The following MILR1 variants were observed in gnomAD, a reference collection of about 807,000 sequenced individuals.
MILR1 encodes the protein allergin-1.
A neutral mutation model predicts 18.5 loss-of-function variants in MILR1; 31 were observed. The ratio of observed to expected loss-of-function variants is 1.68; its 90% confidence interval spans 1.26 to 2.26. MILR1 has a LOEUF of 2.26. Among genes scored for constraint, MILR1 ranks in the 30% most tolerant of loss-of-function variants. The probability of loss-of-function intolerance (pLI) is 0.00; values close to 1 mark genes in which losing one functional copy is unlikely to be tolerated. For missense variants in MILR1, 257 were observed against 157.4 expected, an observed-to-expected ratio of 1.63 and a Z score of -3.38; for synonymous variants, 85 against 56.2, an observed-to-expected ratio of 1.51 and a Z score of -2.30.
chr17:64,477,056 T>C, the MILR1 span, among the ~76,000 whole-genome samples: 1 of 152,194 alleles, frequency 6.6e-6, no homozygotes, highest in Admixed American at 6.5e-5. Context: ...ATCTAACATA[T>C]ATTTTAGTTG....
At chr17:64,489,931 GTT>G in the MILR1 span, among the ~76,000 whole-genome samples, 1 of 143,466 alleles carries the variant, frequency 7.0e-6, no homozygotes. Flanking sequence ...TAATTTTTTT[GTT>G]TTTTTTTTTT....
At chr17:64,455,813 G>A (rs1249158500) in intron 3 of MILR1, among the ~76,000 whole-genome samples, 2 of 151,748 alleles carry the variant, frequency 1.3e-5, no homozygotes, top group Non-Finnish European at 2.9e-5. Flanking sequence ...TTGAGTGGGG[G>A]CAGATCACTT....
intron 2 of MILR1, among the ~76,000 whole-genome samples, chr17:64,450,007 C>T (rs945673922): frequency 4.6e-5 from 7 of 151,112 alleles, no homozygotes; most frequent in South Asian, 2.1e-4. Flanking sequence ...GGTGCAATCT[C>T]GGCTCACTGC....
intron 9 of MILR1, 143 bp from the exon 10 acceptor site, chr17:64,468,167 C>T: frequency 4.5e-6 from 2 of 446,056 alleles, no homozygotes; most frequent in South Asian, 3.2e-5. Context: ...ATGCTCCCTC[C>T]AAAAGTTGTG....
At chr17:64,487,660 T>C in the MILR1 span, among the ~76,000 whole-genome samples, 1 of 149,972 alleles carries the variant, frequency 6.7e-6, no homozygotes, top group Non-Finnish European at 1.5e-5. Context: ...ACTGAAAGAT[T>C]CTGTGGTGCG....
the MILR1 span, among the ~76,000 whole-genome samples, chr17:64,475,808 CTTTTTTT>C: frequency 2.0e-5 from 2 of 102,502 alleles, no homozygotes; most frequent in Non-Finnish European, 3.5e-5. Flanking sequence ...CTACCACTTC[CTTTTTTT>C]TTTTTTTTTT....
intron 4 of MILR1, among the ~76,000 whole-genome samples, chr17:64,459,995 TA>T (rs2037391013): frequency 4.7e-4 from 18 of 38,640 alleles, no homozygotes; most frequent in Admixed American, 8.0e-4. Context: ...TATTTTATTT[TA>T]TTTATTTATT....
At chr17:64,467,240 G>A (rs2037592546) in intron 8 of MILR1, among the ~76,000 whole-genome samples, 1 of 151,362 alleles carries the variant, frequency 6.6e-6, no homozygotes, top group Non-Finnish European at 1.5e-5. Flanking sequence ...TGAGTAGCTG[G>A]GACTACAGGT....
chr17:64,451,171 C>T (rs1489998234), intron 2 of MILR1, among the ~76,000 whole-genome samples: 2 of 150,940 alleles, frequency 1.3e-5, no homozygotes, highest in African/African-American at 4.9e-5. Context: ...GAGACAGAGT[C>T]TCTGCTCTGT....
chr17:64,486,646 G>A, the MILR1 span, among the ~76,000 whole-genome samples: 2 of 152,160 alleles, frequency 1.3e-5, no homozygotes, highest in African/African-American at 4.8e-5. Context: ...TTACAGGCGT[G>A]AGCCACTGCG....
At chr17:64,497,140 G>A in the MILR1 span, 6 of 704,956 alleles carry the variant, frequency 8.5e-6, no homozygotes, top group Non-Finnish European at 1.5e-5. Flanking sequence ...GGCCGCAGCC[G>A]TCCCCCGCCC....
At chr17:64,493,219 G>A in the MILR1 span, among the ~76,000 whole-genome samples, 1 of 152,108 alleles carries the variant, frequency 6.6e-6, no homozygotes, top group Non-Finnish European at 1.5e-5. Context: ...GGAGTTCTGA[G>A]ACCAGACTGG....
the MILR1 span, chr17:64,496,876 C>G: frequency 6.2e-7 from 1 of 1,613,530 alleles, no homozygotes; most frequent in Non-Finnish European, 8.5e-7. Flanking sequence ...CCGTCAACAG[C>G]TCCGGCTGCC....
chr17:64,462,710 G>A (rs1282049979), intron 5 of MILR1, among the ~76,000 whole-genome samples: 3 of 149,828 alleles, frequency 2.0e-5, no homozygotes, highest in African/African-American at 2.5e-5. Flanking sequence ...GTGCAATCTC[G>A]GCTCACAGCA....
At chr17:64,476,214 T>C in the MILR1 span, among the ~76,000 whole-genome samples, 1 of 152,092 alleles carries the variant, frequency 6.6e-6, no homozygotes, top group Admixed American at 6.6e-5. Flanking sequence ...CAGACAAGGA[T>C]TTTTTTAAAA....
the MILR1 span, chr17:64,485,792 T>TA: frequency 5.6e-6 from 9 of 1,611,070 alleles, no homozygotes; most frequent in African/African-American, 9.3e-5. Context: ...ATCATAGAGG[T>TA]AGGCCAGCAT....
At chr17:64,479,115 C>T in the MILR1 span, among the ~76,000 whole-genome samples, 2 of 151,110 alleles carry the variant, frequency 1.3e-5, no homozygotes, top group East Asian at 1.9e-4. Context: ...CTTCATTTTA[C>T]ACATAATAAA....
the MILR1 span, chr17:64,492,858 T>G: frequency 6.2e-7 from 1 of 1,612,822 alleles, no homozygotes; most frequent in Non-Finnish European, 8.5e-7. Context: ...TTTTGACTAT[T>G]TAAATACAAG....
At chr17:64,488,164 G>T in the MILR1 span, among the ~76,000 whole-genome samples, 1 of 152,122 alleles carries the variant, frequency 6.6e-6, no homozygotes, top group African/African-American at 2.4e-5. Context: ...AGGAGTTCAA[G>T]ACCAGCCTGA....
Sources: gnomAD v4.1 joint callset for allele counts (sites outside exome capture counted in the v4.1 genomes callset) on GRCh38, gnomAD v4.1.1 for gene constraint, MANE v1.5 for transcripts, NCBI Gene and HGNC (gene_info 2026-07-23, HGNC 2026-07-21) for gene names.